COP1: variants seen among roughly 807,000 people sequenced by gnomAD.
COP1 encodes COP1 E3 ubiquitin ligase, also known as E3 ubiquitin-protein ligase COP1.
A neutral mutation model predicts 101.3 loss-of-function variants in COP1; 24 were observed. The observed-to-expected ratio is 0.24, with a 90% CI of 0.17 to 0.33. The LOEUF (loss-of-function observed/expected upper bound fraction) is 0.33. Ranked by LOEUF, COP1 falls within the 10% of genes least tolerant of loss-of-function variation. The pLI, the probability that COP1 is intolerant of heterozygous loss-of-function variation, is 1.00. For synonymous variants in COP1, 347 were observed against 341.9 expected (o/e 1.01, Z -0.17); for missense variants, 663 against 906.2 (o/e 0.73, Z 3.45).
intron 10 of COP1, among the ~76,000 whole-genome samples, chr1:176,084,006 T>C (rs909900032): frequency 1.3e-5 from 2 of 152,208 alleles, no homozygotes; most frequent in African/African-American, 4.8e-5. Flanking sequence ...TAAACTGACT[T>C]GTGATGACCT....
chr1:176,147,377 T>C (rs1691728718), intron 6 of COP1, among the ~76,000 whole-genome samples: 1 of 152,172 alleles, frequency 6.6e-6, no homozygotes. Flanking sequence ...TAGATAAACG[T>C]TTACAATTTG....
intron 18 of COP1, among the ~76,000 whole-genome samples, chr1:175,955,605 C>T (rs1650526282): frequency 6.6e-6 from 1 of 151,960 alleles, no homozygotes; most frequent in Non-Finnish European, 1.5e-5. Flanking sequence ...TAAAAATAAG[C>T]CACTAGAATA....
intron 11 of COP1, among the ~76,000 whole-genome samples, chr1:176,079,238 T>G (rs1678648658): frequency 6.6e-6 from 1 of 152,154 alleles, no homozygotes; most frequent in Non-Finnish European, 1.5e-5. Flanking sequence ...TAATCAATCT[T>G]GGTGGCCATC....
chr1:175,988,568 C>T (rs1314952323), intron 16 of COP1, 156 bp from the exon 17 acceptor site: 2 of 645,346 alleles, frequency 3.1e-6, no homozygotes, highest in Non-Finnish European at 2.5e-6. Context: ...CGTGGTGGCT[C>T]ACGCTTGTAT....
intron 15 of COP1, among the ~76,000 whole-genome samples, chr1:176,020,451 G>GGT (rs1435332631): frequency 2.0e-5 from 3 of 151,808 alleles, no homozygotes; most frequent in Admixed American, 6.6e-5. Context: ...GGCCAAGGCA[G>GGT]GTGGATCACC....
intron 15 of COP1, among the ~76,000 whole-genome samples, chr1:176,014,099 A>G (rs1182765399): frequency 6.6e-6 from 1 of 152,202 alleles, no homozygotes; most frequent in African/African-American, 2.4e-5. Context: ...AGGGTGCACA[A>G]TGAACTTTCA....
chr1:176,134,892 T>G, intron 8 of COP1, 118 bp downstream of exon 8: 1 of 653,330 alleles, frequency 1.5e-6, no homozygotes, highest in Non-Finnish European at 2.7e-6. Flanking sequence ...TTCTAGATCA[T>G]GACCAAAGTA....
rs547603527 is a variant in COP1, at chr1:176,120,689, C to A, written c.969-4008G>T. Among the ~76,000 whole-genome samples the A allele has an allele frequency of 4.6e-5, 7 of 152,202 alleles. No individual in the cohort carries two copies. In the South Asian group the frequency reaches 1.2e-3, roughly 27 times the overall value. ...TATTTTCACCTAGATTATTTTCCTT[C>A]AAAAGCAAAGACGTATTTCCTAACT... On this transcript the variant is annotated intron_variant, in intron 8 of 19. Coordinates refer to ENST00000367669, the MANE Select transcript of COP1 (RefSeq NM_022457.7).
At chr1:175,976,482 T>C (rs1270845722) in intron 18 of COP1, among the ~76,000 whole-genome samples, 3 of 151,982 alleles carry the variant, frequency 2.0e-5, no homozygotes, top group Admixed American at 6.6e-5. Context: ...TTCAACATGT[T>C]GGGCAGGCTG....
At chr1:176,180,340 C>G (rs771548191) in intron 2 of COP1, among the ~76,000 whole-genome samples, 2 of 152,116 alleles carry the variant, frequency 1.3e-5, no homozygotes, top group Non-Finnish European at 2.9e-5. Context: ...ATTTCTTACC[C>G]CAGTAACTCT....
At chr1:175,993,392 G>C (rs2148789123) in intron 15 of COP1, among the ~76,000 whole-genome samples, 1 of 152,358 alleles carries the variant, frequency 6.6e-6, no homozygotes, top group East Asian at 1.9e-4. Context: ...AAGCTGGATG[G>C]AGAATGGCTT....
At chr1:176,031,205 T>C (rs937878119) in intron 14 of COP1, among the ~76,000 whole-genome samples, 3 of 152,216 alleles carry the variant, frequency 2.0e-5, no homozygotes, top group East Asian at 1.9e-4. Context: ...TGCTTTCTTA[T>C]GGTAGCCCTA....
chr1:176,136,574 CAA>C (rs373330844), intron 6 of COP1, 27 bp from the exon 7 acceptor site: 5,882 of 1,160,156 alleles, frequency 5.1e-3, no homozygotes, highest in South Asian at 0.011. Flanking sequence ...GAGAGAAAGA[CAA>C]AAAAAAAAAA....
At chr1:176,144,094 G>A (rs761242614) in intron 6 of COP1, among the ~76,000 whole-genome samples, 5 of 152,108 alleles carry the variant, frequency 3.3e-5, no homozygotes, top group South Asian at 2.1e-4. Context: ...TCATTGTACC[G>A]GATGTCCTAG....
chr1:176,091,368 A>C lies in COP1; in HGVS notation c.1027-5478T>G, dbSNP rs1681262706. On this transcript the variant is annotated intron_variant, in intron 9 of 19. Coordinates refer to ENST00000367669, the MANE Select transcript of COP1 (RefSeq NM_022457.7). ...CTCAAAAAAAAAAAAACAAAAAAAA[A>C]AACTTCTGAAGTTGTGTACTTGAAT... is the stretch of plus-strand genomic sequence containing the variant. Among the ~76,000 whole-genome samples the C allele has an allele frequency of 2.0e-5, 3 of 152,078 alleles. No homozygotes were observed. In the South Asian group the frequency reaches 6.2e-4, roughly 31 times the overall value.
At chr1:176,182,151 T>TA (rs1170513552) in intron 2 of COP1, among the ~76,000 whole-genome samples, 3 of 152,230 alleles carry the variant, frequency 2.0e-5, no homozygotes, top group African/African-American at 7.2e-5. Context: ...AATGGATATG[T>TA]AAGTTACAGG....
intron 11 of COP1, among the ~76,000 whole-genome samples, chr1:176,053,027 A>G (rs987923718): frequency 6.6e-6 from 1 of 152,112 alleles, no homozygotes; most frequent in African/African-American, 2.4e-5. Context: ...AACCCCTTCT[A>G]TATGTGTCAA....
chr1:175,963,236 G>T (rs1033288020), intron 18 of COP1, among the ~76,000 whole-genome samples: 8 of 151,830 alleles, frequency 5.3e-5, no homozygotes, highest in African/African-American at 1.5e-4. Flanking sequence ...TACAGAAGAA[G>T]GTCTAAACTT....
At chr1:176,102,204 T>TA (rs1683536338) in intron 9 of COP1, among the ~76,000 whole-genome samples, 1 of 152,152 alleles carries the variant, frequency 6.6e-6, no homozygotes, top group Non-Finnish European at 1.5e-5. Flanking sequence ...ATTCAATCTG[T>TA]GAGGCAAGAA....
Sources: allele counts gnomAD v4.1 joint callset (sites outside exome capture counted in the v4.1 genomes callset), GRCh38; gene constraint gnomAD v4.1.1; transcripts MANE v1.5; gene names NCBI Gene and HGNC (gene_info 2026-07-23, HGNC 2026-07-21).